The following APOLD1 variants were observed in gnomAD, a reference collection of about 807,000 sequenced individuals.
The protein encoded by APOLD1 is apolipoprotein L domain-containing protein 1.
In APOLD1, 22 loss-of-function variants were observed where a neutral mutation model predicts 15.3. That is an observed-to-expected ratio of 1.44 (90% CI 1.03 to 2.05). APOLD1 has a LOEUF of 2.05. Among genes scored for constraint, APOLD1 ranks in the 30% most tolerant of loss-of-function variants. The pLI is 0.00. For missense variants in APOLD1, 394 were observed against 353.5 expected, an observed-to-expected ratio of 1.11 and a Z score of -0.92; for synonymous variants, 190 against 167.4, an observed-to-expected ratio of 1.13 and a Z score of -1.04.
At chr12:12,743,285 A>G (rs1401537803) in intron 1 of APOLD1, among the ~76,000 whole-genome samples, 4 of 152,134 alleles carry the variant, frequency 2.6e-5, no homozygotes, top group Non-Finnish European at 5.9e-5. Flanking sequence ...ATTCCTAGCT[A>G]CTAACGAGGC....
At chr12:12,773,920 A>G (rs961573579) in intron 1 of APOLD1, among the ~76,000 whole-genome samples, 2 of 152,214 alleles carry the variant, frequency 1.3e-5, no homozygotes, top group African/African-American at 4.8e-5. Context: ...CACAGATCTT[A>G]CACTCTTCAC....
At chr12:12,732,138 CT>C (rs1179461074) in intron 1 of APOLD1, among the ~76,000 whole-genome samples, 1 of 152,146 alleles carries the variant, frequency 6.6e-6, no homozygotes, top group African/African-American at 2.4e-5. Flanking sequence ...GCTCTCTATT[CT>C]CTTTTAAAAG....
intron 1 of APOLD1, among the ~76,000 whole-genome samples, chr12:12,747,293 AAAAAAAC>A (rs1421006366): frequency 1.3e-5 from 2 of 152,142 alleles, no homozygotes; most frequent in Admixed American, 6.6e-5. Context: ...CTTACTAGTT[AAAAAAAC>A]AAAAAACAAA....
At chr12:12,738,898 T>A (rs1946710468) in intron 1 of APOLD1, among the ~76,000 whole-genome samples, 1 of 152,268 alleles carries the variant, frequency 6.6e-6, no homozygotes, top group African/African-American at 2.4e-5. Context: ...ACCAACTCTG[T>A]GCCACTTATC....
intron 1 of APOLD1, among the ~76,000 whole-genome samples, chr12:12,775,001 G>A (rs991524181): frequency 3.3e-5 from 5 of 152,206 alleles, no homozygotes; most frequent in African/African-American, 9.7e-5. Flanking sequence ...GCTACACACA[G>A]ATGCTTACCA....
chr12:12,732,006 A>G (rs1946644662), intron 1 of APOLD1, among the ~76,000 whole-genome samples: 1 of 152,246 alleles, frequency 6.6e-6, no homozygotes, highest in South Asian at 2.1e-4. Context: ...AACTATAAGT[A>G]TGTAAGAGGC....
chr12:12,766,975 G>C (rs1946947201), intron 1 of APOLD1, among the ~76,000 whole-genome samples: 1 of 152,242 alleles, frequency 6.6e-6, no homozygotes, highest in Admixed American at 6.5e-5. Flanking sequence ...GCTGGGTGCA[G>C]TGGCTCATGC....
intron 1 of APOLD1, among the ~76,000 whole-genome samples, chr12:12,749,378 G>C (rs1360470930): frequency 6.6e-6 from 1 of 152,050 alleles, no homozygotes. Context: ...TAAATTTAAA[G>C]AAAAACCCTA....
intron 1 of APOLD1, among the ~76,000 whole-genome samples, chr12:12,776,297 C>T (rs1366044400): frequency 6.6e-6 from 1 of 152,100 alleles, no homozygotes; most frequent in Non-Finnish European, 1.5e-5. Context: ...TCTGTAGATA[C>T]AAAACAAGCA....
intron 1 of APOLD1, among the ~76,000 whole-genome samples, chr12:12,739,321 A>G (rs748047151): frequency 6.6e-6 from 1 of 152,238 alleles, no homozygotes; most frequent in Non-Finnish European, 1.5e-5. Flanking sequence ...GAGATCGAGA[A>G]GATGAGTGTT....
At chr12:12,772,241 T>C (rs1483986274) in intron 1 of APOLD1, among the ~76,000 whole-genome samples, 3 of 152,122 alleles carry the variant, frequency 2.0e-5, no homozygotes, top group African/African-American at 7.2e-5. Flanking sequence ...CTATATGTTG[T>C]ATATAAGAAA....
chr12:12,757,937 CTTTTTTT>C (rs144139766), intron 1 of APOLD1, among the ~76,000 whole-genome samples: 2 of 121,402 alleles, frequency 1.6e-5, no homozygotes, highest in African/African-American at 6.3e-5. Flanking sequence ...AATTCAATAT[CTTTTTTT>C]TTTTTTTTTT....
chr12:12,753,932 G>A (rs931804805), intron 1 of APOLD1, among the ~76,000 whole-genome samples: 1 of 151,820 alleles, frequency 6.6e-6, no homozygotes, highest in Non-Finnish European at 1.5e-5. Flanking sequence ...ATATCAGTGT[G>A]AGTCAGGTGT....
At position 12,787,546 on chromosome 12, in the gene APOLD1, A is replaced by G. The variant is rs1299839755; in HGVS notation, c.641A>G (p.Asp214Gly). 6 of 1,613,690 alleles carry G rather than the reference A, an allele frequency of 3.7e-6. No individual in the cohort carries two copies. The highest frequency in any genetic ancestry group is 2.2e-5 in the South Asian group (2 of 91,092). Residue 214 changes from aspartate to glycine, a missense_variant, in exon 2 of 2, where the codon GAC becomes GGC. Asp to Gly is a moderately conservative substitution (Grantham distance 94). Transcript: ENST00000356591. The surrounding 1 kb of genome is among the most constrained non-coding windows in gnomAD (Gnocchi z 4.9). ...CTGGAGTCCTGCACCGGGGCTCTGG[A>G]CGAACTCAGCGAGCAGCTGGAGTCT... ...ESLESCTGALDELSEQLESRV... is the reference protein window; with the variant it reads ...ESLESCTGALGELSEQLESRV...
At chr12:12,749,768 C>T (rs1160074660) in intron 1 of APOLD1, among the ~76,000 whole-genome samples, 1 of 152,214 alleles carries the variant, frequency 6.6e-6, no homozygotes, top group Non-Finnish European at 1.5e-5. Flanking sequence ...AGCCGCTGCT[C>T]AGGCCGCTCC....
chr12:12,773,482 A>AGGTTTGTTT (rs1229526050), intron 1 of APOLD1, among the ~76,000 whole-genome samples: 1 of 152,210 alleles, frequency 6.6e-6, no homozygotes, highest in Non-Finnish European at 1.5e-5. Context: ...GAATCACTTG[A>AGGTTTGTTT]ACCCAAGAGT....
At chr12:12,726,780 C>T (rs902489412) in intron 1 of APOLD1, among the ~76,000 whole-genome samples, 7 of 152,178 alleles carry the variant, frequency 4.6e-5, no homozygotes, top group Admixed American at 6.5e-5. Context: ...CTGATTATGC[C>T]TTTAGCAAGG....
chr12:12,736,902 G>A (rs536856556), intron 1 of APOLD1, among the ~76,000 whole-genome samples: 2 of 152,302 alleles, frequency 1.3e-5, no homozygotes, highest in South Asian at 2.1e-4. Flanking sequence ...AGTGGACCTC[G>A]CCAGCCTCCT....
At chr12:12,748,180 A>T (rs1035921044) in intron 1 of APOLD1, among the ~76,000 whole-genome samples, 4 of 152,230 alleles carry the variant, frequency 2.6e-5, no homozygotes, top group African/African-American at 4.8e-5. Context: ...TGAAAAAAAT[A>T]TCTGCTGTTT....
Sources: gnomAD v4.1 joint callset for allele counts (sites outside exome capture counted in the v4.1 genomes callset) on GRCh38, gnomAD v4.1.1 for gene constraint, Gnocchi (gnomAD v3.1) non-coding constraint, MANE v1.5 for transcripts, NCBI Gene and HGNC (gene_info 2026-07-23, HGNC 2026-07-21) for gene names.